The following SRRM3 variants were observed in gnomAD, a reference collection of about 807,000 sequenced individuals.
SRRM3 encodes the protein serine/arginine repetitive matrix protein 3.
A neutral mutation model predicts 66.2 loss-of-function variants in SRRM3; 27 were observed. The observed-to-expected ratio is 0.41, with a 90% CI of 0.30 to 0.56. The LOEUF (loss-of-function observed/expected upper bound fraction) is 0.56. Ranked by LOEUF, SRRM3 falls within the 20% of genes least tolerant of loss-of-function variation. The pLI is 0.32. For synonymous variants in SRRM3, 391 were observed against 414.9 expected (o/e 0.94, Z 0.70); for missense variants, 918 against 991.9 (o/e 0.93, Z 1.00).
chr7:76,272,715 T>C (rs1802244144), intron 11 of SRRM3, among the ~76,000 whole-genome samples: 1 of 151,990 alleles, frequency 6.6e-6, no homozygotes, highest in Admixed American at 6.5e-5. Context: ...GGTGACACCC[T>C]TAGGTGAGGG....
intron 8 of SRRM3, among the ~76,000 whole-genome samples, chr7:76,262,545 G>T (rs544246918): frequency 2.7e-5 from 4 of 150,158 alleles, no homozygotes; most frequent in African/African-American, 9.8e-5. Flanking sequence ...ACAAAGTCTG[G>T]GTGTGGTGGC....
intron 3 of SRRM3, among the ~76,000 whole-genome samples, chr7:76,250,512 G>C (rs1472323470): frequency 6.6e-6 from 1 of 152,200 alleles, no homozygotes; most frequent in Non-Finnish European, 1.5e-5. Context: ...GGGATTACAG[G>C]CATGAGCCAC....
At chr7:76,283,641 G>A in intron 14 of SRRM3, 1 of 540,286 alleles carries the variant, frequency 1.9e-6, no homozygotes, top group Non-Finnish European at 3.3e-6. Context: ...CCGTCTGTCT[G>A]CCTCTCTCTT....
At chr7:76,281,376 T>C in intron 11 of SRRM3, 65 bp from the exon 12 acceptor site, 2 of 1,122,800 alleles carry the variant, frequency 1.8e-6, no homozygotes, top group Non-Finnish European at 2.2e-6. Flanking sequence ...CTCTTCTCTC[T>C]CTGTCTCTGT....
intron 1 of SRRM3, among the ~76,000 whole-genome samples, chr7:76,226,496 C>CT (rs1800866533): frequency 6.6e-6 from 1 of 152,268 alleles, no homozygotes; most frequent in Non-Finnish European, 1.5e-5. Flanking sequence ...CAGTTGAACT[C>CT]TAAGGGTGGC....
intron 3 of SRRM3, among the ~76,000 whole-genome samples, chr7:76,255,253 G>A (rs1164841790): frequency 2.7e-5 from 4 of 146,750 alleles, no homozygotes; most frequent in Non-Finnish European, 4.5e-5. Flanking sequence ...GGGTTCAAGC[G>A]ATTCTCCTGC....
chr7:76,265,978 C>G (rs1802016478), intron 10 of SRRM3, among the ~76,000 whole-genome samples: 1 of 71,208 alleles, frequency 1.4e-5, no homozygotes, highest in Non-Finnish European at 2.1e-5. Context: ...ACGCTATTCT[C>G]CTGCCTCAGC....
intron 2 of SRRM3, among the ~76,000 whole-genome samples, chr7:76,236,594 A>C (rs1801159397): frequency 6.6e-6 from 1 of 152,206 alleles, no homozygotes; most frequent in Non-Finnish European, 1.5e-5. Flanking sequence ...GAAGACCCCC[A>C]GGCTTAGGCA....
chr7:76,282,404 TC>T (rs1353519693), intron 12 of SRRM3, among the ~76,000 whole-genome samples: 1 of 91,782 alleles, frequency 1.1e-5, no homozygotes, highest in Admixed American at 1.3e-4. Context: ...CTGATCACTC[TC>T]CCCCCATCCC....
intron 1 of SRRM3, among the ~76,000 whole-genome samples, chr7:76,224,757 G>C (rs1554603581): frequency 6.6e-6 from 1 of 152,120 alleles, no homozygotes; most frequent in African/African-American, 2.4e-5. Context: ...CACCAAGAGA[G>C]GTTTGTCACT....
chr7:76,248,316 G>A (rs1554606429), intron 3 of SRRM3, 27 bp downstream of exon 3: 2 of 1,572,506 alleles, frequency 1.3e-6, no homozygotes, highest in African/African-American at 2.7e-5. Context: ...GTGGGGATGA[G>A]GGAGAGGGGG....
chr7:76,217,861 T>C (rs1187999669), intron 1 of SRRM3, among the ~76,000 whole-genome samples: 2 of 152,190 alleles, frequency 1.3e-5, no homozygotes, highest in Non-Finnish European at 2.9e-5. Context: ...GTCCACCTTG[T>C]GGTCAGGTGG....
At chr7:76,204,490 A>G (rs114544305) in intron 1 of SRRM3, among the ~76,000 whole-genome samples, 1 of 152,222 alleles carries the variant, frequency 6.6e-6, no homozygotes. Context: ...CCAAAGTCAC[A>G]GAGCAAGGTC....
At chr7:76,241,252 A>C (rs781869300) in intron 2 of SRRM3, among the ~76,000 whole-genome samples, 2 of 152,168 alleles carry the variant, frequency 1.3e-5, no homozygotes, top group Non-Finnish European at 2.9e-5. Flanking sequence ...GCCTTCCTGC[A>C]TGGCCCTAGG....
chr7:76,229,868 C>T (rs1002933329), intron 1 of SRRM3, among the ~76,000 whole-genome samples: 5 of 151,782 alleles, frequency 3.3e-5, no homozygotes, highest in South Asian at 2.1e-4. Flanking sequence ...CTCAGCCTCC[C>T]GAATAGCTTA....
intron 3 of SRRM3, among the ~76,000 whole-genome samples, chr7:76,256,321 A>G (rs1554607678): frequency 6.6e-6 from 1 of 152,132 alleles, no homozygotes; most frequent in African/African-American, 2.4e-5. Context: ...AGCCTGTCCA[A>G]CATGGTGAAA....
rs1554612944 is a variant in SRRM3 at position 76,287,237 on chromosome 7, C to G, written c.*1394C>G. ...TTCTCTATGTCCCCCCTCCCTCTTT[C>G]TCCGCAGTGCGGATAAAAATTGGAC... On this transcript the variant is annotated 3_prime_UTR_variant, in exon 15 of 15. Transcript: ENST00000611745. 1 of 152,780 alleles carries G rather than the reference C, an allele frequency of 6.5e-6. No individual in the cohort carries two copies. Among genetic ancestry groups the G allele is most frequent in the African/African-American group, 2.4e-5 (1 of 41,444 alleles). The allele number at this position is 152,780 out of a possible 1,614,324, so 9.5% of individuals were successfully genotyped here. A position where few individuals can be genotyped will look rare whatever the true frequency, so the allele number is the denominator to read the frequency against.
At chr7:76,276,490 G>A (rs1001463388) in intron 11 of SRRM3, among the ~76,000 whole-genome samples, 1 of 152,206 alleles carries the variant, frequency 6.6e-6, no homozygotes, top group Non-Finnish European at 1.5e-5. Context: ...AGGAGCGGAC[G>A]TGATGCAGCC....
chr7:76,213,848 C>T (rs1304519778), intron 1 of SRRM3, among the ~76,000 whole-genome samples: 2 of 152,114 alleles, frequency 1.3e-5, no homozygotes, highest in Admixed American at 6.5e-5. Flanking sequence ...TAGCTCACTG[C>T]AGCCTCGAAC....
Sources: gnomAD v4.1 joint callset for allele counts (sites outside exome capture counted in the v4.1 genomes callset) on GRCh38, gnomAD v4.1.1 for gene constraint, MANE v1.5 for transcripts, NCBI Gene and HGNC (gene_info 2026-07-23, HGNC 2026-07-21) for gene names.